The following PROSER1 variants were observed in gnomAD, a reference collection of about 807,000 sequenced individuals.
PROSER1 encodes proline and serine-rich protein 1.
In PROSER1, 36 loss-of-function variants were observed where a neutral mutation model predicts 71.8. That is an observed-to-expected ratio of 0.50 (90% confidence interval 0.38 to 0.66). PROSER1 has a LOEUF of 0.66. PROSER1 is among the 30% of genes least tolerant of loss of function. The pLI is 0.00. For missense variants in PROSER1, 1,107 were observed against 1,135.0 expected, an observed-to-expected ratio of 0.98 and a Z score of 0.35; for synonymous variants, 490 against 452.4, an observed-to-expected ratio of 1.08 and a Z score of -1.06.
intron 2 of PROSER1, among the ~76,000 whole-genome samples, chr13:39,032,649 T>C (rs764281257): frequency 1.7e-4 from 26 of 152,166 alleles, no homozygotes; most frequent in African/African-American, 2.7e-4. Context: ...TCCAGTTAAT[T>C]TGATAAACGT....
rs760480864 is a variant in PROSER1, at chr13:39,013,885, G to C, written c.1367C>G (p.Pro456Arg). 1.2e-6 allele frequency: 2 copies of C among 1,614,078 alleles called. No individual in the cohort carries two copies. The highest frequency in any genetic ancestry group is 2.7e-5 in the African/African-American group (2 of 74,930). ...CACACCAAGTGGACCGGCAACGCTG[G>C]GAGTAGAGCCACCAGCAATTACAGG... ...PTPVIAGGST[P>R]SVAGPLGVNS... is the part of the protein sequence containing the mutation. The change falls in exon 11 of 13, where the codon CCC becomes CGC. Residue 456 changes from proline to arginine, a missense_variant. Pro to Arg is a moderately radical substitution (Grantham distance 103, BLOSUM62 -2). Transcript: ENST00000352251.
chr13:39,030,412 A>G lies in PROSER1; in HGVS notation c.181-1037T>C, dbSNP rs149955554. ...ATAAGTGTATTGAGTTGTCCCTGTG[A>G]TACCCTTGCCACCTCTGAATTTTAA... On this transcript the variant is annotated intron_variant, in intron 3 of 12. Transcript: ENST00000352251. 2.0e-5 allele frequency among the ~76,000 whole-genome samples: 3 copies of G among 152,260 alleles called. No homozygotes were observed. In the East Asian group the frequency reaches 5.8e-4, roughly 29 times the overall value.
intron 9 of PROSER1, among the ~76,000 whole-genome samples, chr13:39,019,472 CG>C (rs1870181220): frequency 7.3e-6 from 1 of 137,272 alleles, no homozygotes; most frequent in South Asian, 2.4e-4. Context: ...GCCGACATTG[CG>C]CCACTGCACT....
intron 7 of PROSER1, 59 bp downstream of exon 7, chr13:39,024,414 A>G: frequency 7.9e-7 from 1 of 1,273,428 alleles, no homozygotes; most frequent in Non-Finnish European, 1.1e-6. Flanking sequence ...TGCTTTGAGT[A>G]AAAAGGAAAC....
At position 39,013,349 on chromosome 13, in the gene PROSER1, A is replaced by G. The variant is rs771976688; in HGVS notation, c.1903T>C (p.Leu635=). The G allele has an allele frequency of 6.2e-7, 1 of 1,614,108 alleles. No homozygotes were observed. The highest frequency in any genetic ancestry group is 1.3e-5 in the African/African-American group (1 of 74,940). The change falls in exon 11 of 13, where the codon TTG becomes CTG. Residue 635 remains leucine (L), a synonymous_variant. Transcript: ENST00000352251. ...TATGCACGGCCCAATGTCCCTGACA[A>G]ACCTAAAGTGCCATGAGAGGGATTC... ...SGNPSHGTLG[L]SGTLGRAYTS...
Position 39,013,217 on chromosome 13 carries a change from T to C in PROSER1, c.2035A>G (p.Ile679Val), listed in dbSNP as rs778431538. Residue 679 changes from isoleucine (I) to valine (V), a missense_variant, in exon 11 of 13, where the codon ATT (isoleucine) becomes GTT (valine). By Grantham distance (29) the Ile-to-Val change is conservative. Transcript: ENST00000352251. ...GAGGAACCATGTGGTGGAAGGGAAA[T>C]AGAGGAAAGAGGATTTGAACCATTT... ...PLNGSNPLSS[I>V]SLPPHGSSTP... The C allele has an allele frequency of 1.2e-6, 2 of 1,613,438 alleles. No homozygotes were observed. Among genetic ancestry groups the C allele is most frequent in the African/African-American group, 2.7e-5 (2 of 74,694 alleles).
intron 1 of PROSER1, among the ~76,000 whole-genome samples, chr13:39,036,315 A>T (rs765596524): frequency 3.9e-5 from 6 of 152,258 alleles, no homozygotes; most frequent in African/African-American, 1.4e-4. Flanking sequence ...AAAGCAAAAC[A>T]GCAAGACCAG....
chr13:39,024,609 A>C, intron 6 of PROSER1, 53 bp from the exon 7 acceptor site: 1 of 1,335,090 alleles, frequency 7.5e-7, no homozygotes, highest in Non-Finnish European at 1.0e-6. Flanking sequence ...AAACCCTCAA[A>C]CCAGTAACAA....
At chr13:39,022,923 A>G (rs534210160) in intron 8 of PROSER1, 129 bp downstream of exon 8, 116 of 665,664 alleles carry the variant, frequency 1.7e-4, no homozygotes, top group Non-Finnish European at 2.6e-4. Flanking sequence ...AACTATGGGC[A>G]TAATTAAGCT....
chr13:39,036,098 C>A (rs1027186724), intron 1 of PROSER1, among the ~76,000 whole-genome samples: 8 of 152,124 alleles, frequency 5.3e-5, no homozygotes, highest in African/African-American at 1.9e-4. Flanking sequence ...CAATTATTTT[C>A]TCATGAAAAG....
rs550800141 is a variant in PROSER1, at chr13:39,034,368, T to C, written c.46-172A>G. ...GTGGTGAGAGGCCCTTCCTTCCATC[T>C]TTCCAGGTTCCATACTGTGAGGGAC... On this transcript the variant is annotated intron_variant, in intron 1 of 12. Coordinates refer to ENST00000352251, the MANE Select transcript of PROSER1 (RefSeq NM_025138.5). Among the ~76,000 whole-genome samples, 4 of 152,318 alleles carry C rather than the reference T, an allele frequency of 2.6e-5. No individual in the cohort carries two copies. In the East Asian group the frequency reaches 5.8e-4, roughly 22 times the overall value.
At chr13:39,018,649 C>T (rs1263955144) in intron 9 of PROSER1, among the ~76,000 whole-genome samples, 2 of 151,612 alleles carry the variant, frequency 1.3e-5, no homozygotes, top group Admixed American at 1.3e-4. Flanking sequence ...AAACAAATAT[C>T]ACTTAGAATG....
chr13:39,034,145 A>G lies in PROSER1; in HGVS notation c.97T>C (p.Phe33Leu). 6.3e-7 allele frequency: 1 copy of G among 1,581,458 alleles called. No individual in the cohort carries two copies. The highest frequency in any genetic ancestry group is 8.6e-7 in the Non-Finnish European group (1 of 1,167,796). ...ATGAGGAATACCTGTTCACTAGAAA[A>G]GTATCCATGCACATATTCAATTGCT... ...LKAIEYVHGY[F>L]SSEQVVDLLR... The change falls in exon 2 of 13, where the codon TTT becomes CTT. Residue 33 changes from phenylalanine (F) to leucine (L), a missense_variant. Transcript: ENST00000352251.
intron 2 of PROSER1, among the ~76,000 whole-genome samples, chr13:39,032,684 T>C (rs1292098320): frequency 6.6e-6 from 1 of 152,156 alleles, no homozygotes; most frequent in Non-Finnish European, 1.5e-5. Context: ...TTGATGGGAA[T>C]AATGTTCTTA....
chr13:39,019,674 A>T (rs1328089298), intron 9 of PROSER1, among the ~76,000 whole-genome samples: 2 of 152,056 alleles, frequency 1.3e-5, no homozygotes, highest in African/African-American at 2.4e-5. Context: ...TCAAGGAGAG[A>T]ACAGTTGTTA....
In PROSER1 at chr13:39,012,983, C is replaced by G; in HGVS notation, c.2269G>C (p.Val757Leu). 1 of 1,614,154 alleles carries G rather than the reference C, an allele frequency of 6.2e-7. No individual in the cohort carries two copies. Among genetic ancestry groups the G allele is most frequent in the African/African-American group, 1.3e-5 (1 of 75,034 alleles). The change falls in exon 11 of 13, where the codon GTC becomes CTC. Residue 757 changes from valine (V) to leucine (L), a missense_variant. Transcript: ENST00000352251. ...TTGAGGGGGAAAGGTGCTGCTGAGA[C>G]TGGTGCTGAAGCAGAAAGCCCTGAG... ...VLSGLSASAP[V>L]SAAPFPLNLS...
intron 1 of PROSER1, among the ~76,000 whole-genome samples, chr13:39,035,552 AAAGT>A (rs1360850579): frequency 6.6e-6 from 1 of 152,210 alleles, no homozygotes; most frequent in African/African-American, 2.4e-5. Context: ...ACAGGCTCAC[AAAGT>A]AAGTGCTCAC....
intron 7 of PROSER1, 70 bp from the exon 8 acceptor site, chr13:39,023,200 C>G: frequency 8.4e-7 from 1 of 1,194,372 alleles, no homozygotes; most frequent in Non-Finnish European, 1.2e-6. Context: ...ACTTGTCTTT[C>G]AAAATATTTA....
intron 3 of PROSER1, 46 bp downstream of exon 3, chr13:39,031,515 TAA>T (rs1422165136): frequency 1.5e-6 from 2 of 1,353,378 alleles, no homozygotes; most frequent in African/African-American, 2.9e-5. Context: ...CTGGGAGAAT[TAA>T]AAATACTTAA....
Sources: gnomAD v4.1 joint callset for allele counts (sites outside exome capture counted in the v4.1 genomes callset) on GRCh38, gnomAD v4.1.1 for gene constraint, MANE v1.5 for transcripts, NCBI Gene and HGNC (gene_info 2026-07-23, HGNC 2026-07-21) for gene names.